Variants in PNPLA8 observed in about 807,000 individuals in gnomAD.
PNPLA8 encodes patatin like domain 8, phospholipase A2, also known as calcium-independent phospholipase A2-gamma.
In PNPLA8, 39 loss-of-function variants were observed where a neutral mutation model predicts 76.9. The observed-to-expected ratio is 0.51, with a 90% confidence interval of 0.39 to 0.66. The LOEUF (loss-of-function observed/expected upper bound fraction) is 0.66, where lower values mean the gene tolerates loss of function less well. Ranked by LOEUF, PNPLA8 falls within the 30% of genes least tolerant of loss-of-function variation. PNPLA8 has a pLI of 0.00. For synonymous variants in PNPLA8, 301 were observed against 307.9 expected (o/e 0.98, Z 0.24); for missense variants, 887 against 918.0 (o/e 0.97, Z 0.44).
In PNPLA8 at chr7:108,526,095, TCCAA is replaced by T. The variant is rs975970573; in HGVS notation, c.-200_-197del. The T allele has an allele frequency of 1.2e-5, 12 of 985,526 alleles. No homozygotes were observed. Among genetic ancestry groups the T allele is most frequent in the African/African-American group, 8.7e-5 (5 of 57,216 alleles). 61.0% of individuals were successfully genotyped at this position (985,526 alleles called of 1,614,324 possible). ...GCTCGTTCCCGGCAATGACGTCCAC[TCCAA>T]CCGGCCTGCATCAGCTGAGCTTCCA... On this transcript the variant is annotated 5_prime_UTR_variant, in exon 1 of 11. It introduces an in-frame stop codon into an upstream open reading frame of the 5' UTR. Coordinates refer to ENST00000257694, the MANE Select transcript of PNPLA8 (RefSeq NM_001256007.3).
chr7:108,501,749 G>A (rs929848193), intron 5 of PNPLA8, among the ~76,000 whole-genome samples: 1 of 152,036 alleles, frequency 6.6e-6, no homozygotes, highest in African/African-American at 2.4e-5. Flanking sequence ...GCTTGAACTT[G>A]GGAGGCAGAG....
chr7:108,505,297 A>AATTT, intron 4 of PNPLA8, among the ~76,000 whole-genome samples: 1 of 79,440 alleles, frequency 1.3e-5, no homozygotes, highest in Non-Finnish European at 2.3e-5. Flanking sequence ...AACACAAGAA[A>AATTT]ATTTATATAT....
chr7:108,487,016 T>C (rs1209120266), intron 9 of PNPLA8, among the ~76,000 whole-genome samples: 3 of 152,162 alleles, frequency 2.0e-5, no homozygotes, highest in Non-Finnish European at 4.4e-5. Flanking sequence ...AAAGCTTTAT[T>C]AGCATTTAGT....
chr7:108,528,024 T>C (rs1239815025), upstream of PNPLA8: 1 of 152,242 alleles, frequency 6.6e-6, no homozygotes, highest in African/African-American at 2.4e-5. Context: ...TCCATTCTTA[T>C]CCTTCCTCTC....
chr7:108,504,685 C>T (rs1862212461), intron 4 of PNPLA8, among the ~76,000 whole-genome samples: 1 of 152,112 alleles, frequency 6.6e-6, no homozygotes, highest in African/African-American at 2.4e-5. Context: ...TTGAGAAGAA[C>T]AAGGTTGGAG....
chr7:108,487,997 T>C (rs1476694170), intron 8 of PNPLA8, 44 bp from the exon 9 acceptor site: 8 of 1,213,948 alleles, frequency 6.6e-6, no homozygotes, highest in African/African-American at 3.0e-5. Context: ...AACAGTAATA[T>C]ATTTGGGATC....
intron 2 of PNPLA8, among the ~76,000 whole-genome samples, chr7:108,518,531 T>C (rs927596040): frequency 6.6e-6 from 1 of 152,044 alleles, no homozygotes; most frequent in Non-Finnish European, 1.5e-5. Context: ...TGCAGGCTCA[T>C]CAATTATAAT....
intron 10 of PNPLA8, among the ~76,000 whole-genome samples, 185 bp downstream of exon 10, chr7:108,478,999 G>A (rs1860194018): frequency 6.6e-6 from 1 of 152,176 alleles, no homozygotes; most frequent in Admixed American, 6.5e-5. Context: ...AACAGTCTCT[G>A]TTCTAGAGTC....
chr7:108,521,899 A>T (rs1312990055), intron 1 of PNPLA8, among the ~76,000 whole-genome samples: 1 of 152,214 alleles, frequency 6.6e-6, no homozygotes, highest in African/African-American at 2.4e-5. Context: ...GGCATTCCAG[A>T]GTTAACCTGA....
At chr7:108,490,767 G>A (rs112897541) in intron 8 of PNPLA8, among the ~76,000 whole-genome samples, 4 of 148,132 alleles carry the variant, frequency 2.7e-5, no homozygotes, top group African/African-American at 1.0e-4. Flanking sequence ...CTGGGCGACA[G>A]AGCAAGACTC....
At chr7:108,493,590 T>TG (rs1048929592) in intron 7 of PNPLA8, among the ~76,000 whole-genome samples, 1 of 146,686 alleles carries the variant, frequency 6.8e-6, no homozygotes, top group African/African-American at 2.5e-5. Context: ...TTTTTTTTTT[T>TG]TTTGTATTTT....
intron 9 of PNPLA8, among the ~76,000 whole-genome samples, chr7:108,484,068 A>T (rs1860579338): frequency 6.6e-6 from 1 of 152,226 alleles, no homozygotes; most frequent in Non-Finnish European, 1.5e-5. Flanking sequence ...AAAGACAAAA[A>T]AGGGAAAAGA....
chr7:108,470,481 C>A lies in PNPLA8; in HGVS notation c.*1920G>T, dbSNP rs1408257527. ...AAGCCAAGCACAAATAAGGGACATACTTAACTTCAGCTGTAAAACAGATGA... is the reference window on the plus strand; with the variant it reads ...AAGCCAAGCACAAATAAGGGACATAATTAACTTCAGCTGTAAAACAGATGA... On this transcript the variant is annotated 3_prime_UTR_variant, in exon 11 of 11. Transcript: ENST00000257694. The A allele has an allele frequency of 6.6e-6, 1 of 150,704 alleles. No individual in the cohort carries two copies. Among genetic ancestry groups the A allele is most frequent in the Non-Finnish European group, 1.5e-5 (1 of 67,758 alleles). 9.3% of individuals were successfully genotyped at this position (150,704 alleles called of 1,614,324 possible).
rs1197078081 is a variant in PNPLA8, at chr7:108,479,208, T to G, written c.2050A>C (p.Ile684Leu). ...TSLKTKLSNV[I>L]NSATDTEEVH... ...CCTTCTGTATCTGTAGCACTGTTGA[T>G]AACATTAGAAAGTTTAGTTTTCAAG... The change falls in exon 10 of 11, where the codon ATC becomes CTC. Residue 684 changes from isoleucine to leucine, a missense_variant. Transcript: ENST00000257694. 1 of 1,612,536 alleles carries G rather than the reference T, an allele frequency of 6.2e-7. No homozygotes were observed. Among genetic ancestry groups the G allele is most frequent in the East Asian group, 2.2e-5 (1 of 44,874 alleles).
chr7:108,491,396 G>T lies in PNPLA8; in HGVS notation c.1683+14C>A, dbSNP rs1262578021. ...ATGGAACTAGGTGTTATATTTAAGA[G>T]ACTCTAAGCTTACCTTAGGACATGT... On this transcript the variant is annotated intron_variant, in intron 8 of 10. Transcript: ENST00000257694. The T allele has an allele frequency of 3.9e-6, 6 of 1,541,582 alleles. No homozygotes were observed. In the Admixed American group the frequency reaches 1.0e-4, roughly 26 times the overall value.
At chr7:108,487,709 T>G in intron 9 of PNPLA8, 50 bp downstream of exon 9, 1 of 1,194,214 alleles carries the variant, frequency 8.4e-7, no homozygotes, top group Non-Finnish European at 1.2e-6. Flanking sequence ...AAGTGCTGAT[T>G]CTTTTAATCA....
At chr7:108,510,856 G>T in intron 4 of PNPLA8, 3 of 1,597,088 alleles carry the variant, frequency 1.9e-6, no homozygotes, top group Non-Finnish European at 2.5e-6. Flanking sequence ...ACTTCCTGTG[G>T]CCCTTCAAAT....
At chr7:108,527,384 A>G (rs561626038), upstream of PNPLA8, among the ~76,000 whole-genome samples, 33 of 152,336 alleles carry the variant, frequency 2.2e-4, no homozygotes, top group South Asian at 6.6e-3. Flanking sequence ...GATAAGCCAG[A>G]CATGTTATTT....
At chr7:108,521,999 TA>T (rs1030180926) in intron 1 of PNPLA8, among the ~76,000 whole-genome samples, 112 of 152,190 alleles carry the variant, frequency 7.4e-4, no homozygotes, top group African/African-American at 2.5e-3. Flanking sequence ...TTAAGTCTGA[TA>T]AGAAACATTT....
Sources: gnomAD v4.1 joint callset for allele counts (sites outside exome capture counted in the v4.1 genomes callset) on GRCh38, gnomAD v4.1.1 for gene constraint, MANE v1.5 for transcripts, NCBI Gene and HGNC (gene_info 2026-07-23, HGNC 2026-07-21) for gene names.